RBFOX1: variants seen among roughly 807,000 people sequenced by gnomAD.
RBFOX1 encodes RNA binding protein fox-1 homolog 1.
In RBFOX1, 8 loss-of-function variants were observed where a neutral mutation model predicts 57.7. The observed-to-expected ratio is 0.14, with a 90% CI of 0.08 to 0.25. The LOEUF is 0.25. RBFOX1 is among the 10% of genes least tolerant of loss of function. The pLI is 1.00. For missense variants in RBFOX1, 611 were observed against 548.5 expected (o/e 1.11, Z -1.14); for synonymous variants, 326 against 222.4 (o/e 1.47, Z -4.15).
intron 2 of RBFOX1, among the ~76,000 whole-genome samples, chr16:6,575,123 G>C (rs563596179): frequency 1.3e-5 from 2 of 151,878 alleles, no homozygotes; most frequent in African/African-American, 4.8e-5. Context: ...CTCCCCGCAA[G>C]GCGACAGGAC....
chr16:5,365,986 C>T (rs769319394), intron 1 of RBFOX1: 4 of 498,602 alleles, frequency 8.0e-6, no homozygotes, highest in Non-Finnish European at 1.2e-5. Context: ...GAAGCAGAGG[C>T]AGTGAATTAG....
chr16:7,485,788 T>C (rs972897810), intron 4 of RBFOX1, among the ~76,000 whole-genome samples: 16 of 152,238 alleles, frequency 1.1e-4, no homozygotes, highest in African/African-American at 3.4e-4. Flanking sequence ...CCCTTGACTA[T>C]CTTCTGTGGC....
At chr16:5,615,932 TG>T (rs903226135) in intron 3 of RBFOX1, among the ~76,000 whole-genome samples, 1 of 152,190 alleles carries the variant, frequency 6.6e-6, no homozygotes, top group African/African-American at 2.4e-5. Context: ...CTTCTGTTAA[TG>T]GGAACGCTTC....
intron 4 of RBFOX1, among the ~76,000 whole-genome samples, chr16:7,127,539 CTGTATGTGTATGCACGAGCG>C (rs1179174564): frequency 6.6e-6 from 1 of 152,022 alleles, no homozygotes; most frequent in Non-Finnish European, 1.5e-5. Context: ...ATGGTGTGTA[CTGTATGTGTATGCACGAGCG>C]TGCATGTGTG....
intron 3 of RBFOX1, among the ~76,000 whole-genome samples, chr16:6,826,940 A>G (rs1237760747): frequency 6.6e-6 from 1 of 152,154 alleles, no homozygotes; most frequent in Non-Finnish European, 1.5e-5. Flanking sequence ...GTGCAAATGG[A>G]AGAAATAGGT....
chr16:6,022,085 G>A (rs916376488), intron 1 of RBFOX1, among the ~76,000 whole-genome samples: 2 of 152,046 alleles, frequency 1.3e-5, no homozygotes, highest in African/African-American at 2.4e-5. Flanking sequence ...GGAGGATCAC[G>A]GACAAGCTGC....
intron 2 of RBFOX1, among the ~76,000 whole-genome samples, chr16:6,328,195 G>C (rs549785244): frequency 1.3e-5 from 2 of 152,076 alleles, no homozygotes; most frequent in Non-Finnish European, 2.9e-5. Flanking sequence ...ACAAAATATC[G>C]TATGTTCTGA....
At chr16:6,341,744 C>G (rs2084611469) in intron 2 of RBFOX1, among the ~76,000 whole-genome samples, 2 of 152,126 alleles carry the variant, frequency 1.3e-5, no homozygotes, top group Non-Finnish European at 2.9e-5. Flanking sequence ...TATGGAGTAG[C>G]TGTTATTTCA....
At chr16:5,628,466 C>A (rs916961452) in intron 3 of RBFOX1, among the ~76,000 whole-genome samples, 3 of 152,030 alleles carry the variant, frequency 2.0e-5, no homozygotes, top group Non-Finnish European at 2.9e-5. Context: ...AGTGATCATG[C>A]TGTGTTTGTT....
intron 3 of RBFOX1, among the ~76,000 whole-genome samples, chr16:7,034,967 G>C (rs1214566247): frequency 6.8e-6 from 1 of 147,266 alleles, no homozygotes; most frequent in Non-Finnish European, 1.5e-5. Flanking sequence ...TCATTCCTCA[G>C]CCTCTGAGTA....
intron 4 of RBFOX1, among the ~76,000 whole-genome samples, chr16:7,126,080 C>G (rs1445592632): frequency 3.9e-5 from 6 of 152,178 alleles, no homozygotes; most frequent in Non-Finnish European, 8.8e-5. Context: ...CGGACTCCAT[C>G]TCCCCCCACC....
chr16:7,199,641 C>T (rs147182543), intron 4 of RBFOX1, among the ~76,000 whole-genome samples: 150 of 152,308 alleles, frequency 9.8e-4, no homozygotes, highest in African/African-American at 3.6e-3. Flanking sequence ...CGCCTGTAAT[C>T]CCAGCACTTT....
chr16:6,131,178 C>A (rs1256998429), intron 1 of RBFOX1, among the ~76,000 whole-genome samples: 2 of 152,200 alleles, frequency 1.3e-5, no homozygotes, highest in Non-Finnish European at 2.9e-5. Context: ...CACCAGAGGA[C>A]TACCTAGTGT....
Position 5,258,538 on chromosome 16 carries a change from G to A in RBFOX1, c.219+18433G>A, listed in dbSNP as rs570755775. ...AAATTGTGATTATTTTTTTCTTTGA[G>A]CAAAGATAATAAGATCTCAAGATTT... On this transcript the variant is annotated intron_variant, in intron 1 of 2. Transcript: ENST00000585867. Among the ~76,000 whole-genome samples, 5 of 152,094 alleles carry A rather than the reference G, an allele frequency of 3.3e-5. No individual in the cohort carries two copies. The South Asian group carries it at 1.0e-3, about 32-fold the overall frequency.
At chr16:6,988,070 C>A (rs1389711161) in intron 3 of RBFOX1, among the ~76,000 whole-genome samples, 1 of 152,076 alleles carries the variant, frequency 6.6e-6, no homozygotes. Context: ...ATTCCACAGC[C>A]AGTAAATGGT....
chr16:7,286,448 A>ATTTT lies in RBFOX1; in HGVS notation c.28-231683_28-231680dup, dbSNP rs940492155. ...GGGTTTCATACTTTGATACTTTCTT[A>ATTTT]TTTTTTTTTTTTTTTTTTTGAGATG... On this transcript the variant is annotated intron_variant, in intron 4 of 15. Transcript: ENST00000550418. 1.6e-3 allele frequency among the ~76,000 whole-genome samples: 201 copies of ATTTT among 121,860 alleles called. 4 individuals are homozygous for ATTTT. Among genetic ancestry groups the ATTTT allele is most frequent in the Admixed American group, 0.012 (146 of 11,788 alleles). The allele number at this position is 121,860 out of a possible 152,430, so 79.9% of individuals were successfully genotyped here.
chr16:5,618,400 C>T (rs545835812), intron 3 of RBFOX1, among the ~76,000 whole-genome samples: 4 of 151,876 alleles, frequency 2.6e-5, no homozygotes, highest in South Asian at 4.2e-4. Context: ...TGCAGTGGTG[C>T]GATCTCGGCT....
chr16:7,360,211 T>C (rs1005556291), intron 4 of RBFOX1, among the ~76,000 whole-genome samples: 10 of 152,194 alleles, frequency 6.6e-5, no homozygotes, highest in African/African-American at 2.2e-4. Context: ...CATGGTATTA[T>C]GTTGTAATTA....
intron 2 of RBFOX1, among the ~76,000 whole-genome samples, chr16:6,462,700 C>T (rs1433391342): frequency 6.6e-6 from 1 of 151,478 alleles, no homozygotes; most frequent in Non-Finnish European, 1.5e-5. Flanking sequence ...TTTTTACCCC[C>T]CACCGCCCCC....
Sources: allele counts gnomAD v4.1 joint callset (sites outside exome capture counted in the v4.1 genomes callset), GRCh38; gene constraint gnomAD v4.1.1; transcripts MANE v1.5; gene names NCBI Gene and HGNC (gene_info 2026-07-23, HGNC 2026-07-21).